Variants in TUBB6 observed in about 807,000 individuals in gnomAD.
TUBB6 encodes tubulin beta 6 class V.
A neutral mutation model predicts 32.3 loss-of-function variants in TUBB6; 18 were observed. The ratio of observed to expected loss-of-function variants is 0.56; its 90% CI spans 0.39 to 0.83. The LOEUF is 0.83. Ranked by LOEUF, TUBB6 falls within the 40% of genes least tolerant of loss-of-function variation. The probability of loss-of-function intolerance (pLI) is 0.00; values close to 1 mark genes in which losing one functional copy is unlikely to be tolerated. For missense variants in TUBB6, 480 were observed against 632.0 expected (o/e 0.76, Z 2.58); for synonymous variants, 280 against 265.8 (o/e 1.05, Z -0.52).
At chr18:12,310,919 G>A in intron 2 of TUBB6, 24 bp from the exon 3 acceptor site, 3 of 1,543,534 alleles carry the variant, frequency 1.9e-6, no homozygotes, top group Non-Finnish European at 8.9e-7. Flanking sequence ...AGTAACTCTT[G>A]TGGGTGGTTC....
At chr18:12,317,748 A>G (rs1270978524) in intron 3 of TUBB6, among the ~76,000 whole-genome samples, 1 of 152,222 alleles carries the variant, frequency 6.6e-6, no homozygotes, top group Non-Finnish European at 1.5e-5. Flanking sequence ...CCCCACTGCC[A>G]AAAAGCTTAG....
chr18:12,318,883 G>A (rs1212852055), intron 3 of TUBB6, among the ~76,000 whole-genome samples: 3 of 152,072 alleles, frequency 2.0e-5, no homozygotes, highest in African/African-American at 4.8e-5. Context: ...TCACCCTCCT[G>A]TGCTAGGATT....
chr18:12,316,947 T>C (rs1361993784), intron 3 of TUBB6, among the ~76,000 whole-genome samples: 3 of 152,076 alleles, frequency 2.0e-5, no homozygotes, highest in East Asian at 1.9e-4. Context: ...TCATCTGAGG[T>C]CAGGAGTTCG....
intron 3 of TUBB6, among the ~76,000 whole-genome samples, chr18:12,320,940 G>A (rs992219265): frequency 1.3e-5 from 2 of 152,280 alleles, no homozygotes; most frequent in East Asian, 1.9e-4. Flanking sequence ...AGTAGCTCCC[G>A]TGGGAAGTGG....
downstream of TUBB6, among the ~76,000 whole-genome samples, chr18:12,328,324 G>A (rs546699610): frequency 6.6e-6 from 1 of 152,350 alleles, no homozygotes; most frequent in East Asian, 1.9e-4. Flanking sequence ...TGCTAAAAAT[G>A]TAAATAGTTA....
intron 3 of TUBB6, among the ~76,000 whole-genome samples, chr18:12,323,992 T>C (rs966393334): frequency 5.9e-5 from 9 of 152,154 alleles, no homozygotes; most frequent in Non-Finnish European, 8.8e-5. Flanking sequence ...GAATAAATAA[T>C]TGGTTCTGCA....
downstream of TUBB6, chr18:12,329,616 C>T: frequency 6.2e-7 from 1 of 1,614,196 alleles, no homozygotes; most frequent in Non-Finnish European, 8.5e-7. Context: ...TTTCCCGCTC[C>T]TTGTTCCAGT....
intron 3 of TUBB6, among the ~76,000 whole-genome samples, chr18:12,322,191 C>G (rs1210902255): frequency 6.6e-6 from 1 of 151,768 alleles, no homozygotes. Context: ...ATCCCAGCTT[C>G]TCGGGGGGCT....
At chr18:12,318,857 A>G (rs921510795) in intron 3 of TUBB6, among the ~76,000 whole-genome samples, 1 of 152,072 alleles carries the variant, frequency 6.6e-6, no homozygotes. Context: ...TCCTGGGCTC[A>G]AGCAGTCCTC....
chr18:12,312,904 C>T (rs1906463303), intron 3 of TUBB6, among the ~76,000 whole-genome samples: 1 of 144,712 alleles, frequency 6.9e-6, no homozygotes, highest in Non-Finnish European at 1.5e-5. Flanking sequence ...GAGGCTGAGG[C>T]AGGAGAATCA....
At chr18:12,322,356 CTTT>C (rs1190247505) in intron 3 of TUBB6, among the ~76,000 whole-genome samples, 16 of 139,486 alleles carry the variant, frequency 1.1e-4, no homozygotes, top group African/African-American at 2.3e-4. Context: ...ATTGAAAATA[CTTT>C]TTTTTTTTTT....
In TUBB6 at chr18:12,326,270, T is replaced by C. The variant is rs1907324544; in HGVS notation, c.*140T>C. The C allele has an allele frequency of 5.5e-6, 7 of 1,270,214 alleles. No homozygotes were observed. In the South Asian group the frequency reaches 8.0e-5, roughly 15 times the overall value. The allele number at this position is 1,270,214 out of a possible 1,614,324, so 78.7% of individuals were successfully genotyped here. On this transcript the variant is annotated 3_prime_UTR_variant, in exon 4 of 4. Coordinates refer to ENST00000317702, the MANE Select transcript of TUBB6 (RefSeq NM_032525.3). ...GCCCCTCACAAATGCAGCCAAGTCATGTAATTAGTCATCTGGAACAAAGAC... is the reference window on the plus strand; with the variant it reads ...GCCCCTCACAAATGCAGCCAAGTCACGTAATTAGTCATCTGGAACAAAGAC...
chr18:12,326,187 C>T lies in TUBB6; in HGVS notation c.*57C>T. ...CAACACGCAAGTTCCTTCTTGAACC[C>T]TGGTGCCTCCTACCCTATGGCCCTG... On this transcript the variant is annotated 3_prime_UTR_variant, in exon 4 of 4. Coordinates refer to ENST00000317702, the MANE Select transcript of TUBB6 (RefSeq NM_032525.3). The T allele has an allele frequency of 6.4e-7, 1 of 1,559,818 alleles. No homozygotes were observed. The highest frequency in any genetic ancestry group is 8.7e-7 in the Non-Finnish European group (1 of 1,152,544).
intron 3 of TUBB6, among the ~76,000 whole-genome samples, chr18:12,319,570 T>C (rs1405725720): frequency 6.6e-6 from 1 of 152,186 alleles, no homozygotes; most frequent in Non-Finnish European, 1.5e-5. Context: ...TTAATGTATC[T>C]CAGACATCCT....
At chr18:12,322,839 G>A (rs1044042645) in intron 3 of TUBB6, among the ~76,000 whole-genome samples, 2 of 152,208 alleles carry the variant, frequency 1.3e-5, no homozygotes, top group African/African-American at 2.4e-5. Flanking sequence ...TTAATACTTT[G>A]TAATCACAGG....
chr18:12,311,145 A>G, intron 3 of TUBB6, 92 bp downstream of exon 3: 1 of 1,116,414 alleles, frequency 9.0e-7, no homozygotes, highest in African/African-American at 1.6e-5. Flanking sequence ...TGTGTCATAG[A>G]AAAAGTGTGA....
At position 12,312,775 on chromosome 18, in the gene TUBB6, G is replaced by A. The variant is rs1029277888; in HGVS notation, c.277+1722G>A. Among the ~76,000 whole-genome samples, 14 of 152,018 alleles carry A rather than the reference G, an allele frequency of 9.2e-5. No individual in the cohort carries two copies. The East Asian group carries it at 2.1e-3, about 23-fold the overall frequency. On this transcript the variant is annotated intron_variant, in intron 3 of 3. Coordinates refer to ENST00000317702, the MANE Select transcript of TUBB6 (RefSeq NM_032525.3). ...AGCACTTTGGGAGGCCAAGGCGGGC[G>A]GATCACCTGAGGTCGGGAGTTTGAG...
intron 3 of TUBB6, among the ~76,000 whole-genome samples, chr18:12,312,829 A>C (rs1906459613): frequency 6.6e-6 from 1 of 151,938 alleles, no homozygotes; most frequent in African/African-American, 2.4e-5. Flanking sequence ...GAGAAACCCC[A>C]TCTCTACTAA....
In TUBB6 at chr18:12,311,038, G is replaced by A. The variant is rs1158717694; in HGVS notation, c.262G>A (p.Asp88Asn). ...SGPFGQLFRP[D>N]NFIFGQTGAG... ...GCCTTTTGGGCAGCTTTTCCGGCCTGACAACTTCATCTTTGGTAGGTTCCA... is the reference window on the plus strand; with the variant it reads ...GCCTTTTGGGCAGCTTTTCCGGCCTAACAACTTCATCTTTGGTAGGTTCCA... The change falls in exon 3 of 4, where the codon GAC (aspartate) becomes AAC (asparagine). Residue 88 changes from aspartate to asparagine, a missense_variant. Transcript: ENST00000317702. 1.2e-6 allele frequency: 2 copies of A among 1,612,790 alleles called. No individual in the cohort carries two copies. The highest frequency in any genetic ancestry group is 3.3e-5 in the Admixed American group (2 of 59,838).
Sources: allele counts gnomAD v4.1 joint callset (sites outside exome capture counted in the v4.1 genomes callset), GRCh38; gene constraint gnomAD v4.1.1; transcripts MANE v1.5; gene names NCBI Gene and HGNC (gene_info 2026-07-23, HGNC 2026-07-21).